NDST3: variants seen among roughly 807,000 people sequenced by gnomAD.
NDST3 encodes the protein N-deacetylase and N-sulfotransferase 3, also known as bifunctional heparan sulfate N-deacetylase/N-sulfotransferase 3.
Under a neutral mutation model 96.1 loss-of-function variants are expected in NDST3, and 58 were observed. The observed-to-expected ratio is 0.60, with a 90% confidence interval of 0.49 to 0.75. NDST3 has a LOEUF of 0.75. Ranked by LOEUF, NDST3 falls within the 30% of genes least tolerant of loss-of-function variation. The probability of loss-of-function intolerance (pLI) is 0.00; values close to 1 mark genes in which losing one functional copy is unlikely to be tolerated. For missense variants in NDST3, 788 were observed against 1,034.2 expected, an observed-to-expected ratio of 0.76 and a Z score of 3.27; for synonymous variants, 333 against 359.7, an observed-to-expected ratio of 0.93 and a Z score of 0.84.
At chr4:118,184,709 A>G (rs1428156217) in intron 6 of NDST3, among the ~76,000 whole-genome samples, 2 of 151,720 alleles carry the variant, frequency 1.3e-5, no homozygotes, top group Admixed American at 6.6e-5. Context: ...ATTGTATAAC[A>G]ATATGCAATA....
At chr4:118,160,972 T>TGCTCTGTTTTTCCC (rs1349754935) in intron 6 of NDST3, among the ~76,000 whole-genome samples, 1 of 152,200 alleles carries the variant, frequency 6.6e-6, no homozygotes, top group Non-Finnish European at 1.5e-5. Flanking sequence ...CCAGTTTTTC[T>TGCTCTGTTTTTCCC]GCTCTGTTTT....
chr4:118,186,285 C>T (rs997071454), intron 6 of NDST3, among the ~76,000 whole-genome samples: 2 of 152,144 alleles, frequency 1.3e-5, no homozygotes, highest in East Asian at 3.9e-4. Flanking sequence ...AAAAAAATTC[C>T]TCCATTTTGA....
At chr4:118,101,215 T>C (rs1377421922) in intron 2 of NDST3, among the ~76,000 whole-genome samples, 1 of 152,062 alleles carries the variant, frequency 6.6e-6, no homozygotes, top group Non-Finnish European at 1.5e-5. Flanking sequence ...CTTCATCTAT[T>C]TGATTTATTC....
At chr4:118,034,875 T>C (rs1261298596) in intron 1 of NDST3, among the ~76,000 whole-genome samples, 1 of 152,208 alleles carries the variant, frequency 6.6e-6, no homozygotes, top group African/African-American at 2.4e-5. Flanking sequence ...CTTATAATGA[T>C]TCTGAAGTAG....
chr4:118,239,567 T>C (rs920645615), intron 10 of NDST3, among the ~76,000 whole-genome samples: 2 of 152,172 alleles, frequency 1.3e-5, no homozygotes, highest in South Asian at 2.1e-4. Flanking sequence ...TAAGCCTTAA[T>C]TGACTCCAAG....
At chr4:118,191,411 G>A (rs1012220306) in intron 6 of NDST3, among the ~76,000 whole-genome samples, 4 of 152,200 alleles carry the variant, frequency 2.6e-5, no homozygotes, top group Non-Finnish European at 5.9e-5. Flanking sequence ...CCAGAAAGGT[G>A]TATTCCAGTT....
At chr4:118,146,628 A>C (rs1472177683) in intron 6 of NDST3, among the ~76,000 whole-genome samples, 2 of 152,234 alleles carry the variant, frequency 1.3e-5, no homozygotes, top group Non-Finnish European at 2.9e-5. Context: ...CATGTAAAAG[A>C]AAGAAGTATC....
chr4:118,099,113 A>G (rs1729570978), intron 2 of NDST3, among the ~76,000 whole-genome samples: 1 of 152,096 alleles, frequency 6.6e-6, no homozygotes, highest in Non-Finnish European at 1.5e-5. Flanking sequence ...TGGGAGTTAC[A>G]TATTGTTATT....
chr4:118,044,580 T>C (rs1298001443), intron 1 of NDST3, among the ~76,000 whole-genome samples: 1 of 152,268 alleles, frequency 6.6e-6, no homozygotes, highest in Non-Finnish European at 1.5e-5. Flanking sequence ...TGCTCTATGA[T>C]ATTCTCCATG....
chr4:118,144,088 G>C (rs1733766980), intron 6 of NDST3, among the ~76,000 whole-genome samples: 1 of 152,004 alleles, frequency 6.6e-6, no homozygotes, highest in Non-Finnish European at 1.5e-5. Context: ...AAATAGTAGA[G>C]GAATTAGGTA....
intron 6 of NDST3, among the ~76,000 whole-genome samples, chr4:118,148,179 T>A: frequency 6.6e-6 from 1 of 152,120 alleles, no homozygotes; most frequent in East Asian, 1.9e-4. Context: ...GCGCCTGTAG[T>A]CCCAGCTACT....
At chr4:118,231,939 C>T (rs1740321825) in intron 8 of NDST3, among the ~76,000 whole-genome samples, 1 of 152,162 alleles carries the variant, frequency 6.6e-6, no homozygotes, top group South Asian at 2.1e-4. Flanking sequence ...AAAAATCACA[C>T]CCTTGCTCCC....
chr4:118,226,850 A>G, intron 7 of NDST3, 36 bp from the exon 8 acceptor site: 1 of 1,429,142 alleles, frequency 7.0e-7, no homozygotes, highest in Non-Finnish European at 9.7e-7. Context: ...CACATTCATG[A>G]AAAAAAATAC....
chr4:118,048,784 A>G (rs1435225664), intron 1 of NDST3, among the ~76,000 whole-genome samples: 3 of 152,286 alleles, frequency 2.0e-5, no homozygotes, highest in Admixed American at 2.0e-4. Flanking sequence ...ATAATGGGAG[A>G]TGTCAACACC....
At chr4:118,251,606 T>A (rs1490783405) in intron 12 of NDST3, among the ~76,000 whole-genome samples, 3 of 152,214 alleles carry the variant, frequency 2.0e-5, no homozygotes, top group Non-Finnish European at 2.9e-5. Flanking sequence ...TGACTGTAGA[T>A]GTGTAGATTT....
chr4:118,111,909 C>T (rs1236465003), intron 3 of NDST3, among the ~76,000 whole-genome samples: 1 of 151,096 alleles, frequency 6.6e-6, no homozygotes, highest in Non-Finnish European at 1.5e-5. Context: ...ATCTCCTGAC[C>T]TCTTGATCTG....
chr4:118,187,133 C>T (rs1737015567), intron 6 of NDST3, among the ~76,000 whole-genome samples: 1 of 152,160 alleles, frequency 6.6e-6, no homozygotes, highest in Non-Finnish European at 1.5e-5. Context: ...GTTCATTAAT[C>T]CCCTAGAAAT....
At chr4:118,194,530 G>C in intron 6 of NDST3, 1 of 722,686 alleles carries the variant, frequency 1.4e-6, no homozygotes, top group South Asian at 1.4e-5. Flanking sequence ...AGGAGAATTT[G>C]TCCTTGTGAT....
rs1462021117 is a variant in NDST3 at position 118,077,303 on chromosome 4, G to A, written c.981+22412G>A. The stretch of plus-strand genomic sequence containing the variant: ...CATTGGTGCATTGGGGTGCACATGC[G>A]TCAGTTGGGGTGGGGTGCCAGCAAA... On this transcript the variant is annotated intron_variant, in intron 2 of 13. Transcript: ENST00000296499. 2.0e-5 allele frequency among the ~76,000 whole-genome samples: 3 copies of A among 152,262 alleles called. No individual in the cohort carries two copies. In the South Asian group the frequency reaches 6.2e-4, roughly 32 times the overall value.
Sources: allele counts gnomAD v4.1 joint callset (sites outside exome capture counted in the v4.1 genomes callset), GRCh38; gene constraint gnomAD v4.1.1; transcripts MANE v1.5; gene names NCBI Gene and HGNC (gene_info 2026-07-23, HGNC 2026-07-21).